GUCY1A2: variants seen among roughly 807,000 people sequenced by gnomAD.
GUCY1A2 encodes the protein guanylate cyclase soluble subunit alpha-2.
GUCY1A2 carries 27 observed loss-of-function variants against 63.5 expected under a neutral mutation model. That is an observed-to-expected ratio of 0.43 (90% CI 0.31 to 0.59). The LOEUF (loss-of-function observed/expected upper bound fraction) is 0.59. Among genes scored for constraint, GUCY1A2 ranks in the 20% least tolerant of loss-of-function variants. The pLI is 0.11. For synonymous variants in GUCY1A2, 364 were observed against 343.5 expected, an observed-to-expected ratio of 1.06 and a Z score of -0.66; for missense variants, 768 against 913.3, an observed-to-expected ratio of 0.84 and a Z score of 2.05.
chr11:106,776,616 T>C (rs756353144), intron 5 of GUCY1A2, 34 bp from the exon 6 acceptor site: 11 of 1,600,496 alleles, frequency 6.9e-6, no homozygotes, highest in African/African-American at 1.3e-5. Flanking sequence ...TGCAAACGTA[T>C]GATAATGAGC....
At chr11:106,734,187 C>G (rs1053770059) in intron 6 of GUCY1A2, among the ~76,000 whole-genome samples, 5 of 151,744 alleles carry the variant, frequency 3.3e-5, no homozygotes, top group Non-Finnish European at 7.4e-5. Context: ...ATGACCCACA[C>G]ACATCCACAT....
intron 4 of GUCY1A2, among the ~76,000 whole-genome samples, chr11:106,870,030 T>C (rs1302320076): frequency 2.1e-5 from 3 of 143,098 alleles, no homozygotes; most frequent in Non-Finnish European, 4.5e-5. Context: ...CCGCATGTTC[T>C]CACTCATAGG....
intron 3 of GUCY1A2, among the ~76,000 whole-genome samples, chr11:106,959,465 T>C (rs1274378691): frequency 2.0e-5 from 3 of 152,206 alleles, no homozygotes; most frequent in East Asian, 3.9e-4. Flanking sequence ...CCAAACACTT[T>C]ATGTATAAAG....
chr11:106,904,467 T>C (rs1490948298), intron 4 of GUCY1A2, among the ~76,000 whole-genome samples: 1 of 152,176 alleles, frequency 6.6e-6, no homozygotes, highest in Non-Finnish European at 1.5e-5. Context: ...GAAGTTTTCA[T>C]GAACTTCTTT....
At chr11:106,957,168 A>G (rs985268156) in intron 3 of GUCY1A2, among the ~76,000 whole-genome samples, 2 of 152,158 alleles carry the variant, frequency 1.3e-5, no homozygotes, top group African/African-American at 4.8e-5. Context: ...GCCTGGAGCT[A>G]TAGAAATGGG....
chr11:107,015,532 CT>C (rs1861808476), intron 1 of GUCY1A2, among the ~76,000 whole-genome samples: 1 of 109,394 alleles, frequency 9.1e-6, no homozygotes, highest in Non-Finnish European at 1.7e-5. Context: ...ATTGACATTA[CT>C]TTTTAGAAAT....
At chr11:106,927,646 G>A (rs1333861605) in intron 4 of GUCY1A2, among the ~76,000 whole-genome samples, 3 of 151,232 alleles carry the variant, frequency 2.0e-5, no homozygotes, top group Non-Finnish European at 4.4e-5. Context: ...CTCACTGCAA[G>A]CTCCACCTTC....
chr11:106,818,147 T>C (rs1858855524), intron 4 of GUCY1A2, among the ~76,000 whole-genome samples: 1 of 152,180 alleles, frequency 6.6e-6, no homozygotes, highest in Admixed American at 6.5e-5. Context: ...CAAGCATACC[T>C]CATTTTATTG....
At chr11:106,803,649 T>C (rs1419958993) in intron 5 of GUCY1A2, among the ~76,000 whole-genome samples, 1 of 152,130 alleles carries the variant, frequency 6.6e-6, no homozygotes, top group Admixed American at 6.6e-5. Flanking sequence ...TTTAAGCACT[T>C]TACATAAATC....
intron 7 of GUCY1A2, 55 bp downstream of exon 7, chr11:106,708,457 A>G (rs1805180170): frequency 1.4e-6 from 2 of 1,431,660 alleles, no homozygotes; most frequent in Admixed American, 3.6e-5. Flanking sequence ...AGATGACAGC[A>G]TAGCAGCCCA....
chr11:106,747,569 C>T (rs1863811809), intron 6 of GUCY1A2, among the ~76,000 whole-genome samples: 1 of 152,204 alleles, frequency 6.6e-6, no homozygotes, highest in Middle Eastern at 3.2e-3. Context: ...ACACATCCAG[C>T]AGTAGCTGGC....
chr11:106,827,977 C>T, intron 4 of GUCY1A2: 1 of 804,580 alleles, frequency 1.2e-6, no homozygotes, highest in Non-Finnish European at 2.1e-6. Context: ...GCGAGGCGGT[C>T]ACTTCCGGTG....
At chr11:106,831,358 T>G (rs1169347747) in intron 4 of GUCY1A2, among the ~76,000 whole-genome samples, 1 of 152,102 alleles carries the variant, frequency 6.6e-6, no homozygotes, top group East Asian at 1.9e-4. Context: ...GAAACATTCC[T>G]TGGAAGCTTG....
intron 5 of GUCY1A2, among the ~76,000 whole-genome samples, chr11:106,793,819 T>C (rs111863482): frequency 0.013 from 1,924 of 152,186 alleles, 25 homozygotes; most frequent in South Asian, 0.047. Flanking sequence ...TCACACCTGT[T>C]AGAATGATGA....
intron 4 of GUCY1A2, among the ~76,000 whole-genome samples, chr11:106,842,889 C>T (rs191705450): frequency 3.3e-4 from 50 of 151,970 alleles, no homozygotes; most frequent in Non-Finnish European, 6.2e-4. Flanking sequence ...AGTAGCAAGG[C>T]CCTTGGGTGT....
chr11:106,740,644 A>G lies in GUCY1A2; in HGVS notation c.1837-31978T>C, dbSNP rs576175407. Among the ~76,000 whole-genome samples, 560 of 141,862 alleles carry G rather than the reference A, an allele frequency of 3.9e-3. 2 individuals are homozygous for G. Among genetic ancestry groups the G allele is most frequent in the Non-Finnish European group, 6.8e-3 (440 of 64,988 alleles). 93.1% of individuals were successfully genotyped at this position (141,862 alleles called of 152,430 possible). ...CTCTTTACACTCTCCTATGGACCAT[A>G]TCACTGTATGTATGTATGTATGTAT... On this transcript the variant is annotated intron_variant, in intron 6 of 7. Transcript: ENST00000526355.
At chr11:106,727,792 T>G (rs887377561) in intron 6 of GUCY1A2, among the ~76,000 whole-genome samples, 3 of 152,188 alleles carry the variant, frequency 2.0e-5, no homozygotes, top group Non-Finnish European at 4.4e-5. Flanking sequence ...ATTCCTACTG[T>G]TCCTACTTTA....
intron 7 of GUCY1A2, among the ~76,000 whole-genome samples, chr11:106,689,856 AT>A (rs1862591695): frequency 1.3e-5 from 2 of 152,058 alleles, no homozygotes; most frequent in South Asian, 4.1e-4. Context: ...TTAGCCGGGC[AT>A]GTTGGTGCGC....
At chr11:106,712,571 G>A (rs1863139387) in intron 6 of GUCY1A2, among the ~76,000 whole-genome samples, 1 of 144,112 alleles carries the variant, frequency 6.9e-6, no homozygotes, top group Non-Finnish European at 1.5e-5. Flanking sequence ...TCATAAATTT[G>A]ACTTCTTAAG....
Sources: allele counts gnomAD v4.1 joint callset (sites outside exome capture counted in the v4.1 genomes callset), GRCh38; gene constraint gnomAD v4.1.1; transcripts MANE v1.5; gene names NCBI Gene and HGNC (gene_info 2026-07-23, HGNC 2026-07-21).